The following PIDD1 variants were observed in gnomAD, a reference collection of about 807,000 sequenced individuals.
PIDD1 encodes the protein p53-induced death domain-containing protein 1.
Under a neutral mutation model 80.0 loss-of-function variants are expected in PIDD1, and 72 were observed. The observed-to-expected ratio is 0.90, with a 90% confidence interval of 0.74 to 1.09. The LOEUF is 1.09. Among genes scored for constraint, PIDD1 ranks in the 50% least tolerant of loss-of-function variants. The probability of loss-of-function intolerance (pLI) is 0.00; values close to 1 mark genes in which losing one functional copy is unlikely to be tolerated. For synonymous variants in PIDD1, 655 were observed against 543.5 expected (o/e 1.21, Z -2.85); for missense variants, 1,329 against 1,228.3 (o/e 1.08, Z -1.23).
At chr11:805,634 C>T (rs536759983), upstream of PIDD1, 5 of 985,510 alleles carry the variant, frequency 5.1e-6, no homozygotes, top group South Asian at 4.7e-5. Flanking sequence ...CAAGCCGGAA[C>T]AATTGCAGTG....
Position 799,189 on chromosome 11 carries a change from GA to G in PIDD1, c.*117del, listed in dbSNP as rs1864994194. The G allele has an allele frequency of 9.4e-7, 1 of 1,069,420 alleles. No homozygotes were observed. The highest frequency in any genetic ancestry group is 3.1e-4 in the Middle Eastern group (1 of 3,274). The allele number at this position is 1,069,420 out of a possible 1,614,324, so 66.2% of individuals were successfully genotyped here. A position where few individuals can be genotyped will look rare whatever the true frequency, so the allele number is the denominator to read the frequency against. On this transcript the variant is annotated 3_prime_UTR_variant, in exon 16 of 16. Transcript: ENST00000347755. ...AAATAAATCAAGCTCTGAGGTGAAA[GA>G]AACAGTGCAGTTTTGTTGCTCACAG...
Position 801,035 on chromosome 11 carries a change from G to A in PIDD1, c.1716C>T (p.Val572=), listed in dbSNP as rs1297614159. Reference sequence around the variant, plus strand: ...GTGCGTACAGGTGGGTGAGCTCCAGGACCACCTGAGCTGTGATGTCATCCC... The same window carrying A: ...GTGCGTACAGGTGGGTGAGCTCCAGAACCACCTGAGCTGTGATGTCATCCC... The part of the protein sequence containing the change: ...ATWDDITAQV[V]LELTHLYARF... Residue 572 remains valine (V), a synonymous_variant, in exon 10 of 16, where the codon GTC becomes GTT. Transcript: ENST00000347755. 2.5e-6 allele frequency: 4 copies of A among 1,602,016 alleles called. No homozygotes were observed. The highest frequency in any genetic ancestry group is 1.1e-5 in the South Asian group (1 of 89,174).
rs758610886 is a variant in PIDD1, at chr11:800,164, G to A, written c.2241C>T (p.Ala747=). The change falls in exon 14 of 16, where the codon GCC becomes GCT. Residue 747 remains alanine (A), a synonymous_variant. Coordinates refer to ENST00000347755, the MANE Select transcript of PIDD1 (RefSeq NM_145886.4). ...TGATGGGCAGAGTGGCCATCCACAG[G>A]GCGTCTGCGCCCTTCCTCTGCCGGG... The part of the protein sequence containing the change: ...EAARQRKGAD[A]LWMATLPIKL... 8.7e-6 allele frequency: 14 copies of A among 1,610,774 alleles called. No individual in the cohort carries two copies. Among genetic ancestry groups the A allele is most frequent in the Non-Finnish European group, 1.1e-5 (13 of 1,179,428 alleles).
At position 803,782 on chromosome 11, in the gene PIDD1, G is replaced by A. The variant is rs565753246; in HGVS notation, c.296-195C>T. Reference sequence around the variant, plus strand: ...GAAGGAGGCAGGGGTGGAGACCACCGGCTCATCTCAGCTGACAACCATCAC... The same window carrying A: ...GAAGGAGGCAGGGGTGGAGACCACCAGCTCATCTCAGCTGACAACCATCAC... On this transcript the variant is annotated intron_variant, in intron 2 of 15. Coordinates refer to ENST00000347755, the MANE Select transcript of PIDD1 (RefSeq NM_145886.4). The A allele has an allele frequency of 4.8e-4, 313 of 656,512 alleles. 1 individual carries two copies. In the Middle Eastern group the frequency reaches 6.7e-3, roughly 14 times the overall value. The allele number at this position is 656,512 out of a possible 1,614,324, so 40.7% of individuals were successfully genotyped here. A position where few individuals can be genotyped will look rare whatever the true frequency, so the allele number is the denominator to read the frequency against.
In PIDD1 at chr11:802,804, G is replaced by A; in HGVS notation, c.797C>T (p.Thr266Ile). The A allele has an allele frequency of 1.9e-6, 3 of 1,604,376 alleles. No homozygotes were observed. Among genetic ancestry groups the A allele is most frequent in the Non-Finnish European group, 2.6e-6 (3 of 1,176,192 alleles). Residue 266 changes from threonine to isoleucine, a missense_variant, in exon 4 of 16, where the codon ACC (threonine) becomes ATC (isoleucine). Physicochemically the swap from Thr to Ile is moderately conservative, Grantham distance 89. Coordinates refer to ENST00000347755, the MANE Select transcript of PIDD1 (RefSeq NM_145886.4). The stretch of plus-strand genomic sequence containing the variant: ...CTGGTTGTCCCTCAGGTCGAGCCGG[G>A]TGAGGAGTGGAAGGCGGGCCAAGTC... ...PADLARLPLL[T>I]RLDLRDNQLR... is the part of the protein sequence containing the mutation.
At position 802,589 on chromosome 11, in the gene PIDD1, G is replaced by C; in HGVS notation, c.928C>G (p.Leu310Val). The C allele has an allele frequency of 5.0e-6, 8 of 1,613,168 alleles. No individual in the cohort carries two copies. Among genetic ancestry groups the C allele is most frequent in the Non-Finnish European group, 6.8e-6 (8 of 1,179,714 alleles). The change falls in exon 5 of 16, where the codon CTC becomes GTC. Residue 310 changes from leucine to valine, a missense_variant. Coordinates refer to ENST00000347755, the MANE Select transcript of PIDD1 (RefSeq NM_145886.4). ...AACAGTCTGGGCATTTCTGGAATGAGGGCTGCCACTGTGCAGGGGACAGAC... is the reference window on the plus strand; with the variant it reads ...AACAGTCTGGGCATTTCTGGAATGACGGCTGCCACTGTGCAGGGGACAGAC... The part of the protein sequence containing the change: ...PDAPSSPVAA[L>V]IPEMPRLFLT...
In PIDD1 at chr11:800,179, C is replaced by A. The variant is rs368621396; in HGVS notation, c.2226G>T (p.Arg742Ser). ...VPEEAEAARQ[R>S]KGADALWMAT... ...CCATCCACAGGGCGTCTGCGCCCTT[C>A]CTCTGCCGGGCAGCCTCAGCCTCCT... Residue 742 changes from arginine (R) to serine (S), a missense_variant, in exon 14 of 16, where the codon AGG becomes AGT. Coordinates refer to ENST00000347755, the MANE Select transcript of PIDD1 (RefSeq NM_145886.4). The A allele has an allele frequency of 4.3e-6, 7 of 1,611,058 alleles. No individual in the cohort carries two copies. The African/African-American group carries it at 8.0e-5, about 18-fold the overall frequency.
chr11:806,904 A>G (rs1304055997), upstream of PIDD1, among the ~76,000 whole-genome samples: 2 of 152,186 alleles, frequency 1.3e-5, no homozygotes, highest in African/African-American at 4.8e-5. Flanking sequence ...TTAAAAACCA[A>G]CCACAGGCCT....
chr11:800,572 G>T lies in PIDD1; in HGVS notation c.2012C>A (p.Ala671Asp), dbSNP rs752097429. The T allele has an allele frequency of 1.2e-6, 2 of 1,608,594 alleles. No individual in the cohort carries two copies. The highest frequency in any genetic ancestry group is 1.7e-5 in the Admixed American group (1 of 59,992). The change falls in exon 12 of 16, where the codon GCC (alanine) becomes GAC (aspartate). Residue 671 changes from alanine (A) to aspartate (D), a missense_variant. Physicochemically the swap from Ala to Asp is moderately radical, Grantham distance 126. Transcript: ENST00000347755. ...EMFEGEEFFA[A>D]FERGIDVDAD... is the part of the protein sequence containing the mutation. ...ATCCACGTCGATGCCGCGCTCGAAG[G>T]CCGCAAAGAACTCTTCGCCCTCGAA...
chr11:807,183 C>A (rs770553867), upstream of PIDD1, among the ~76,000 whole-genome samples: 5 of 141,338 alleles, frequency 3.5e-5, no homozygotes, highest in Non-Finnish European at 7.6e-5. Context: ...GAGTGAGACT[C>A]CCTCTCAAAA....
In PIDD1 at chr11:800,409, T is replaced by G. The variant is rs777429627; in HGVS notation, c.2084A>C (p.Tyr695Ser). 2 of 1,571,974 alleles carry G rather than the reference T, an allele frequency of 1.3e-6. No individual in the cohort carries two copies. The highest frequency in any genetic ancestry group is 1.7e-5 in the Admixed American group (1 of 58,214). ...CTCCTTCACATTCTTCAGGTGCGAGTAGAAGACAAAGCAGATTCTGCCCTC... is the reference window on the plus strand; with the variant it reads ...CTCCTTCACATTCTTCAGGTGCGAGGAGAAGACAAAGCAGATTCTGCCCTC... ...CVEGRICFVF[Y>S]SHLKNVKEVY... The change falls in exon 13 of 16, where the codon TAC becomes TCC. Residue 695 changes from tyrosine (Y) to serine (S), a missense_variant. By Grantham distance (144) the Tyr-to-Ser change is moderately radical (BLOSUM62 -2). Transcript: ENST00000347755.
At position 799,335 on chromosome 11, in the gene PIDD1, G is replaced by A. The variant is rs747256632; in HGVS notation, c.2705C>T (p.Pro902Leu). 5 of 1,607,434 alleles carry A rather than the reference G, an allele frequency of 3.1e-6. No individual in the cohort carries two copies. In the East Asian group the frequency reaches 6.7e-5, roughly 22 times the overall value. Residue 902 changes from proline (P) to leucine (L), a missense_variant, in exon 16 of 16, where the codon CCA (proline) becomes CTA (leucine). Coordinates refer to ENST00000347755, the MANE Select transcript of PIDD1 (RefSeq NM_145886.4). ...KDPALPGSSAPQPPEPAQA is the reference protein window; with the variant it reads ...KDPALPGSSALQPPEPAQA Reference sequence around the variant, plus strand: ...GGCCTGGGCAGGCTCTGGGGGCTGTGGAGCCGAGGAGCCAGGCAGAGCGGG... The same window carrying A: ...GGCCTGGGCAGGCTCTGGGGGCTGTAGAGCCGAGGAGCCAGGCAGAGCGGG...
upstream of PIDD1, among the ~76,000 whole-genome samples, chr11:807,560 G>A (rs1190319727): frequency 6.6e-6 from 1 of 150,880 alleles, no homozygotes; most frequent in Non-Finnish European, 1.5e-5. Flanking sequence ...GGTAGATCAC[G>A]AGGTCAGGAG....
chr11:799,723 CT>C, intron 15 of PIDD1, 91 bp downstream of exon 15: 3 of 1,379,734 alleles, frequency 2.2e-6, no homozygotes, highest in Non-Finnish European at 2.9e-6. Flanking sequence ...CCCACCTCCC[CT>C]GGAAGAAACT....
At chr11:804,527 G>A (rs898865504) in intron 1 of PIDD1, 64 bp from the exon 2 acceptor site, 2 of 1,414,358 alleles carry the variant, frequency 1.4e-6, no homozygotes, top group Non-Finnish European at 1.8e-6. Context: ...GGGAAACAGG[G>A]ACTCTGGATG....
chr11:803,001 C>G (rs924326222), intron 3 of PIDD1, 110 bp from the exon 4 acceptor site: 2 of 1,076,840 alleles, frequency 1.9e-6, no homozygotes, highest in Non-Finnish European at 2.7e-6. Flanking sequence ...CACAGCTGGG[C>G]TCAGAGAACT....
At position 802,403 on chromosome 11, in the gene PIDD1, G is replaced by A; in HGVS notation, c.975-7C>T. On this transcript the variant is annotated splice_region_variant and splice_polypyrimidine_tract_variant and intron_variant, in intron 5 of 15. Coordinates refer to ENST00000347755, the MANE Select transcript of PIDD1 (RefSeq NM_145886.4). The stretch of plus-strand genomic sequence containing the variant: ...TTGAGGGGTCACAGGAAAGCTGAGT[G>A]AGGAAGGAGCGAGCAACAGGTTAGA... 1 of 1,611,422 alleles carries A rather than the reference G, an allele frequency of 6.2e-7. No individual in the cohort carries two copies. The highest frequency in any genetic ancestry group is 8.5e-7 in the Non-Finnish European group (1 of 1,179,132).
chr11:809,189 G>A (rs1184095799), upstream of PIDD1, among the ~76,000 whole-genome samples: 2 of 152,220 alleles, frequency 1.3e-5, no homozygotes, highest in African/African-American at 2.4e-5. Context: ...AGGTGCTGAT[G>A]TCCACATGGA....
Position 802,779 on chromosome 11 carries a change from C to A in PIDD1, c.822G>T (p.Gln274His). The A allele has an allele frequency of 6.2e-7, 1 of 1,608,326 alleles. No homozygotes were observed. The change falls in exon 4 of 16, where the codon CAG becomes CAT. Residue 274 changes from glutamine (Q) to histidine (H), a missense_variant. Transcript: ENST00000347755. The part of the protein sequence containing the change: ...LLTRLDLRDN[Q>H]LRDLPPELLD... ...GCAGCTCAGGGGGCAGGTCCCGGAG[C>A]TGGTTGTCCCTCAGGTCGAGCCGGG...
Sources: allele counts gnomAD v4.1 joint callset (sites outside exome capture counted in the v4.1 genomes callset), GRCh38; gene constraint gnomAD v4.1.1; transcripts MANE v1.5; gene names NCBI Gene and HGNC (gene_info 2026-07-23, HGNC 2026-07-21).